PRPF8: variants seen among roughly 807,000 people sequenced by gnomAD.
PRPF8 encodes pre-mRNA-processing-splicing factor 8.
A neutral mutation model predicts 285.9 loss-of-function variants in PRPF8; 64 were observed. The observed-to-expected ratio is 0.22, with a 90% CI of 0.18 to 0.28. PRPF8 has a LOEUF of 0.28. Among genes scored for constraint, PRPF8 ranks in the 10% least tolerant of loss-of-function variants. The pLI is 1.00. For synonymous variants in PRPF8, 1,325 were observed against 1,118.2 expected (o/e 1.18, Z -3.69); for missense variants, 1,426 against 3,026.7 (o/e 0.47, Z 12.41).
In PRPF8 at chr17:1,681,462, A is replaced by T. The variant is rs766645921; in HGVS notation, c.866+16T>A. On this transcript the variant is annotated intron_variant, in intron 6 of 42. Transcript: ENST00000304992. ...TCAACTCAAAATGTCTAAAATCCCT[A>T]ATCTCTCCAACTCACTGTAGGTTGA... is the stretch of plus-strand genomic sequence containing the variant. The T allele has an allele frequency of 1.3e-6, 2 of 1,552,404 alleles. No individual in the cohort carries two copies. The highest frequency in any genetic ancestry group is 1.7e-5 in the Admixed American group (1 of 59,924).
chr17:1,656,631 C>T lies in PRPF8; in HGVS notation c.5619+17G>A. On this transcript the variant is annotated intron_variant, in intron 35 of 42. Transcript: ENST00000304992. ...GTCTCAAGGTCTCTTTTCTCCTACC[C>T]CACCCCACCCTCTTACCTCCAGTGG... The T allele has an allele frequency of 6.2e-7, 1 of 1,613,742 alleles. No individual in the cohort carries two copies. The highest frequency in any genetic ancestry group is 8.5e-7 in the Non-Finnish European group (1 of 1,179,776).
chr17:1,674,406 T>A, intron 21 of PRPF8, 36 bp downstream of exon 21: 1 of 1,598,484 alleles, frequency 6.3e-7, no homozygotes, highest in Non-Finnish European at 8.6e-7. Context: ...CATGCCTCAG[T>A]ACCCTGCAAG....
Position 1,673,489 on chromosome 17 carries a change from C to T in PRPF8, c.3525G>A (p.Val1175=). The change falls in exon 23 of 43, where the codon GTG becomes GTA. Residue 1175 remains valine, a synonymous_variant. Transcript: ENST00000304992. This position sits in a 1 kb window ranked among gnomAD's most constrained non-coding sequence, Gnocchi z 5.5. ...TGGGGTTGTCCTTACTGTACACAGA[C>T]ACGAAGCTGTTCTCCCACTGAACTG... ...VTTVQWENSF[V]SVYSKDNPNL... The T allele has an allele frequency of 6.2e-7, 1 of 1,614,204 alleles. No homozygotes were observed. The highest frequency in any genetic ancestry group is 8.5e-7 in the Non-Finnish European group (1 of 1,180,038).
In PRPF8 at chr17:1,658,659, C is replaced by T. The variant is rs1911520652; in HGVS notation, c.5243G>A (p.Arg1748His). ...AGATGAATAGAGCTGTAGCCCCTTG[C>T]GGATCCGTTCACGTAACACATACAG... ...PALYVLRERI[R>H]KGLQLYSSEP... The change falls in exon 33 of 43, where the codon CGC becomes CAC. Residue 1748 changes from arginine to histidine, a missense_variant. Around this residue, in one of 34 missense-constraint regions of PRPF8, gnomAD observed 74 missense variants for 161.8 expected, o/e 0.46. Coordinates refer to ENST00000304992, the MANE Select transcript of PRPF8 (RefSeq NM_006445.4). This position sits in a 1 kb window ranked among gnomAD's most constrained non-coding sequence, Gnocchi z 4.1. 5 of 1,614,204 alleles carry T rather than the reference C, an allele frequency of 3.1e-6. No individual in the cohort carries two copies. Among genetic ancestry groups the T allele is most frequent in the South Asian group, 1.1e-5 (1 of 91,092 alleles).
rs1754229199 is a variant in PRPF8 at position 1,683,357 on chromosome 17, A to T, written c.269+176T>A. The T allele has an allele frequency of 2.9e-5, 21 of 730,316 alleles. 1 individual carries two copies. In the South Asian group the frequency reaches 3.3e-4, roughly 12 times the overall value. The allele number at this position is 730,316 out of a possible 1,614,324, so 45.2% of individuals were successfully genotyped here. On this transcript the variant is annotated intron_variant, in intron 3 of 42. Coordinates refer to ENST00000304992, the MANE Select transcript of PRPF8 (RefSeq NM_006445.4). The stretch of plus-strand genomic sequence containing the variant: ...AGCACCAGTCCCAGATCGGGAAGAG[A>T]GGGGAAACAGACTGCAAAAGTGGAA...
At chr17:1,667,696 A>G (rs1912073761) in intron 24 of PRPF8, among the ~76,000 whole-genome samples, 2 of 152,016 alleles carry the variant, frequency 1.3e-5, no homozygotes, top group South Asian at 4.2e-4. Context: ...GACATGTGCC[A>G]CCACGCCTGG....
rs943865335 is a variant in PRPF8, at chr17:1,684,515, G to A, written c.57C>T (p.Ala19=). The A allele has an allele frequency of 3.7e-6, 6 of 1,612,654 alleles. No individual in the cohort carries two copies. Among genetic ancestry groups the A allele is most frequent in the Non-Finnish European group, 5.1e-6 (6 of 1,179,826 alleles). Residue 19 remains alanine (A), a synonymous_variant, in exon 2 of 43, where the codon GCC becomes GCT. Coordinates refer to ENST00000304992, the MANE Select transcript of PRPF8 (RefSeq NM_006445.4). ...GPGNPVPGPL[A]PLPDYMSEEK... ...CCTCCGACATGTAGTCCGGTAGCGG[G>A]GCTAGAGGGCCAGGCACCGGGTTAC...
At chr17:1,684,401 CCCCACCCGCCTGCGCGCGCG>C (rs1913115827) in intron 2 of PRPF8, 51 bp downstream of exon 2, 5 of 1,510,518 alleles carry the variant, frequency 3.3e-6, no homozygotes, top group Non-Finnish European at 3.7e-6. Context: ...CGGGGAGGGT[CCCCACCCGCCTGCGCGCGCG>C]CACACCCGCC....
chr17:1,683,209 A>T (rs1487011934), intron 3 of PRPF8: 3 of 375,166 alleles, frequency 8.0e-6, no homozygotes, highest in Non-Finnish European at 1.5e-5. Context: ...GTTAGCCAGG[A>T]TGGTCTCGAT....
rs754861395 is a variant in PRPF8, at chr17:1,678,524, G to A, written c.1848C>T (p.Phe616=). ...AGTAAAGTCAAGGTCTCACCGTGTTGAAACGATAATAGATGAGATGCTTCA... is the reference window on the plus strand; with the variant it reads ...AGTAAAGTCAAGGTCTCACCGTGTTAAAACGATAATAGATGAGATGCTTCA... ...KDLKHLIYYR[F]NTGPVGKGPG... is the part of the protein sequence containing the mutation. The change falls in exon 13 of 43, where the codon TTC becomes TTT. Residue 616 remains phenylalanine (F), a synonymous_variant. Transcript: ENST00000304992. 2.5e-6 allele frequency: 4 copies of A among 1,614,068 alleles called. No homozygotes were observed. In the African/African-American group the frequency reaches 5.3e-5, roughly 22 times the overall value.
chr17:1,682,160 C>T lies in PRPF8; in HGVS notation c.403G>A (p.Val135Ile), dbSNP rs748336613. 1 of 1,614,036 alleles carries T rather than the reference C, an allele frequency of 6.2e-7. No homozygotes were observed. The highest frequency in any genetic ancestry group is 1.1e-5 in the South Asian group (1 of 91,060). ...TGGGAGATGTAGACAGGTTCAATGACCCAGGGAATCTCATTGACGAAGGAA... is the reference window on the plus strand; with the variant it reads ...TGGGAGATGTAGACAGGTTCAATGATCCAGGGAATCTCATTGACGAAGGAA... ...AISFVNEIPW[V>I]IEPVYISQWG... is the part of the protein sequence containing the mutation. Residue 135 changes from valine (V) to isoleucine (I), a missense_variant, in exon 4 of 43, where the codon GTC becomes ATC. Coordinates refer to ENST00000304992, the MANE Select transcript of PRPF8 (RefSeq NM_006445.4).
At chr17:1,681,366 C>T in intron 6 of PRPF8, 112 bp downstream of exon 6, 1 of 1,206,956 alleles carries the variant, frequency 8.3e-7, no homozygotes, top group Non-Finnish European at 1.2e-6. Context: ...CAGCGTGAGC[C>T]ACTGCACCTG....
chr17:1,665,185 G>A (rs1209623230), intron 24 of PRPF8, among the ~76,000 whole-genome samples: 1 of 147,528 alleles, frequency 6.8e-6, no homozygotes, highest in Non-Finnish European at 1.5e-5. Flanking sequence ...AAAAAAGGGA[G>A]GAATGCAGCT....
rs947194173 is a variant in PRPF8 at position 1,681,475 on chromosome 17, C to T, written c.866+3G>A. ...TCTAAAATCCCTAATCTCTCCAACT[C>T]ACTGTAGGTTGATGTCTCGAACAAG... On this transcript the variant is annotated splice_donor_region_variant and intron_variant, in intron 6 of 42. Transcript: ENST00000304992. The T allele has an allele frequency of 6.4e-6, 10 of 1,568,882 alleles. No homozygotes were observed. In the African/African-American group the frequency reaches 1.2e-4, roughly 19 times the overall value.
At position 1,677,815 on chromosome 17, in the gene PRPF8, G is replaced by A. The variant is rs1224320953; in HGVS notation, c.1855-121C>T. 86 of 1,299,412 alleles carry A rather than the reference G, an allele frequency of 6.6e-5. 1 individual carries two copies. Among genetic ancestry groups the A allele is most frequent in the Admixed American group, 2.1e-5 (1 of 47,324 alleles). The allele number at this position is 1,299,412 out of a possible 1,614,324, so 80.5% of individuals were successfully genotyped here. ...CATACAGAGGAATGTAGGTATGGCA[G>A]TAGAGGGGTAAAAAGAAAAAAAAAC... is the stretch of plus-strand genomic sequence containing the variant. On this transcript the variant is annotated intron_variant, in intron 13 of 42. Transcript: ENST00000304992.
At chr17:1,678,962 A>T in intron 11 of PRPF8, 55 bp downstream of exon 11, 1 of 1,613,714 alleles carries the variant, frequency 6.2e-7, no homozygotes, top group Non-Finnish European at 8.5e-7. Context: ...TAACCAGAGG[A>T]AAACAACTGT....
At position 1,675,319 on chromosome 17, in the gene PRPF8, C is replaced by T. The variant is rs763978779; in HGVS notation, c.2893G>A (p.Val965Met). 60 of 1,614,054 alleles carry T rather than the reference C, an allele frequency of 3.7e-5. No homozygotes were observed. Among genetic ancestry groups the T allele is most frequent in the Non-Finnish European group, 4.8e-5 (57 of 1,180,036 alleles). ...WCQGINNLQD[V>M]WETSEGECNV... ...CACTCGCCTTCACTCGTCTCCCACACGTCCTGCAGGTTATTGATGCCTGAG... is the reference window on the plus strand; with the variant it reads ...CACTCGCCTTCACTCGTCTCCCACATGTCCTGCAGGTTATTGATGCCTGAG... Residue 965 changes from valine to methionine, a missense_variant, in exon 20 of 43, where the codon GTG (valine) becomes ATG (methionine). Around this residue, in one of 34 missense-constraint regions of PRPF8, gnomAD observed 37 missense variants for 43.4 expected, o/e 0.85. Coordinates refer to ENST00000304992, the MANE Select transcript of PRPF8 (RefSeq NM_006445.4). The surrounding 1 kb of genome is among the most constrained non-coding windows in gnomAD (Gnocchi z 6.0).
Position 1,673,872 on chromosome 17 carries a change from C to T in PRPF8, c.3320G>A (p.Arg1107Gln), listed in dbSNP as rs770854412. 1.2e-6 allele frequency: 2 copies of T among 1,613,664 alleles called. No individual in the cohort carries two copies. Among genetic ancestry groups the T allele is most frequent in the Non-Finnish European group, 1.7e-6 (2 of 1,180,014 alleles). Reference protein sequence around the residue: ...IFFRFTADEARDLIQRYLTEH... With the variant: ...IFFRFTADEAQDLIQRYLTEH... ...TGTCAGGTAACGTTGAATCAGGTCCCGAGCCTCATCTGCTGTGAACCTACA... is the reference window on the plus strand; with the variant it reads ...TGTCAGGTAACGTTGAATCAGGTCCTGAGCCTCATCTGCTGTGAACCTACA... Residue 1107 changes from arginine to glutamine, a missense_variant, in exon 22 of 43, where the codon CGG becomes CAG. Coordinates refer to ENST00000304992, the MANE Select transcript of PRPF8 (RefSeq NM_006445.4). This position sits in a 1 kb window ranked among gnomAD's most constrained non-coding sequence, Gnocchi z 5.5.
rs1912439521 is a variant in PRPF8 at position 1,673,461 on chromosome 17, G to A, written c.3553C>T (p.Leu1185=). Residue 1185 remains leucine (L), a synonymous_variant, in exon 23 of 43, where the codon CTG becomes TTG. Coordinates refer to ENST00000304992, the MANE Select transcript of PRPF8 (RefSeq NM_006445.4). The surrounding 1 kb of genome is among the most constrained non-coding windows in gnomAD (Gnocchi z 5.5). ...TCGAAGCCACACATGTTGAACAGCA[G>A]GTTGGGGTTGTCCTTACTGTACACA... The part of the protein sequence containing the change: ...VSVYSKDNPN[L]LFNMCGFECR... 7 of 1,614,058 alleles carry A rather than the reference G, an allele frequency of 4.3e-6. No individual in the cohort carries two copies. The Admixed American group carries it at 6.7e-5, about 15-fold the overall frequency.
Sources: allele counts gnomAD v4.1 joint callset (sites outside exome capture counted in the v4.1 genomes callset), GRCh38; gene constraint gnomAD v4.1.1; regional missense constraint gnomAD v4.1.1; non-coding constraint Gnocchi (gnomAD v3.1); transcripts MANE v1.5; gene names NCBI Gene and HGNC (gene_info 2026-07-23, HGNC 2026-07-21).